PPP2R3A: variants seen among roughly 807,000 people sequenced by gnomAD.
PPP2R3A encodes the protein serine/threonine-protein phosphatase 2A regulatory subunit B'' subunit alpha.
In PPP2R3A, 80 loss-of-function variants were observed where a neutral mutation model predicts 106.9. That is an observed-to-expected ratio of 0.75 (90% CI 0.62 to 0.90). The LOEUF is 0.90. Ranked by LOEUF, PPP2R3A falls within the 40% of genes least tolerant of loss-of-function variation. The pLI, the probability that PPP2R3A is intolerant of heterozygous loss-of-function variation, is 0.00. For missense variants in PPP2R3A, 1,386 were observed against 1,350.4 expected (o/e 1.03, Z -0.41); for synonymous variants, 483 against 468.3 (o/e 1.03, Z -0.41).
chr3:136,100,960 C>T (rs1937345000), intron 10 of PPP2R3A, among the ~76,000 whole-genome samples: 1 of 152,150 alleles, frequency 6.6e-6, no homozygotes, highest in African/African-American at 2.4e-5. Flanking sequence ...AATGTACCTG[C>T]CATGCTCTTT....
intron 1 of PPP2R3A, among the ~76,000 whole-genome samples, chr3:135,998,108 T>A (rs2107783002): frequency 6.6e-6 from 1 of 152,328 alleles, no homozygotes; most frequent in South Asian, 2.1e-4. Context: ...CTCTTGCTTG[T>A]CTCTATACGC....
intron 4 of PPP2R3A, among the ~76,000 whole-genome samples, chr3:136,048,176 T>C (rs1171290688): frequency 6.6e-6 from 1 of 151,776 alleles, no homozygotes; most frequent in African/African-American, 2.4e-5. Flanking sequence ...AATAAGCACA[T>C]GGAAGGACAC....
intron 5 of PPP2R3A, among the ~76,000 whole-genome samples, chr3:136,059,665 G>A (rs1331808520): frequency 6.6e-6 from 1 of 152,180 alleles, no homozygotes; most frequent in East Asian, 1.9e-4. Flanking sequence ...CTCTTATGAA[G>A]AGACATGCCA....
At chr3:136,110,081 T>A (rs934908800) in intron 13 of PPP2R3A, among the ~76,000 whole-genome samples, 1 of 151,964 alleles carries the variant, frequency 6.6e-6, no homozygotes, top group African/African-American at 2.4e-5. Flanking sequence ...CAGCAACATA[T>A]CACATCCCAT....
chr3:136,115,428 A>G (rs1937706192), intron 13 of PPP2R3A, among the ~76,000 whole-genome samples: 1 of 152,004 alleles, frequency 6.6e-6, no homozygotes, highest in Admixed American at 6.6e-5. Flanking sequence ...AGGCTTCAGA[A>G]GGTGGGTAAT....
chr3:136,041,250 GTTTTTTTTTTTGTT>G (rs1559884287), intron 4 of PPP2R3A, among the ~76,000 whole-genome samples: 1 of 56,588 alleles, frequency 1.8e-5, no homozygotes. Context: ...TTTTTTTTTT[GTTTTTTTTTTTGTT>G]TTTTTTTTTT....
chr3:136,049,435 T>C (rs896204939), intron 5 of PPP2R3A, 74 bp downstream of exon 5: 4 of 1,086,330 alleles, frequency 3.7e-6, no homozygotes, highest in Non-Finnish European at 5.5e-6. Flanking sequence ...TTTACAACTA[T>C]AACATGTCAA....
intron 13 of PPP2R3A, among the ~76,000 whole-genome samples, chr3:136,110,204 A>C (rs1463084486): frequency 2.0e-5 from 3 of 152,196 alleles, no homozygotes; most frequent in East Asian, 1.9e-4. Context: ...TCAACTACTT[A>C]AAAGGTGGAC....
chr3:135,983,987 TATTA>T (rs1370694111), intron 1 of PPP2R3A, among the ~76,000 whole-genome samples: 2 of 152,224 alleles, frequency 1.3e-5, no homozygotes, highest in African/African-American at 4.8e-5. Context: ...TGTCACAGTT[TATTA>T]GTTTTCAAAC....
intron 2 of PPP2R3A, among the ~76,000 whole-genome samples, chr3:136,018,922 G>A (rs1934370397): frequency 6.6e-6 from 1 of 152,120 alleles, no homozygotes; most frequent in African/African-American, 2.4e-5. Flanking sequence ...TATATGGAAT[G>A]GTAAGGCAGG....
At chr3:135,971,167 A>T (rs1937236574) in intron 1 of PPP2R3A, among the ~76,000 whole-genome samples, 1 of 152,158 alleles carries the variant, frequency 6.6e-6, no homozygotes, top group East Asian at 1.9e-4. Context: ...TTAATTTTCC[A>T]GTTGCATGCA....
At chr3:136,004,565 A>G (rs1933778373) in intron 2 of PPP2R3A, among the ~76,000 whole-genome samples, 1 of 152,242 alleles carries the variant, frequency 6.6e-6, no homozygotes, top group Admixed American at 6.5e-5. Context: ...CACTGCCCCT[A>G]CCACATGAAT....
rs564525709 is a variant in PPP2R3A, at chr3:136,047,360, C to T, written c.2367-1899C>T. Among the ~76,000 whole-genome samples, 15 of 152,328 alleles carry T rather than the reference C, an allele frequency of 9.8e-5. No individual in the cohort carries two copies. In the South Asian group the frequency reaches 1.2e-3, roughly 13 times the overall value. Reference sequence around the variant, plus strand: ...ATGCACCCATATGTTCAATGAAGCACTGTTCACAATTGCAAAGACATGGAA... The same window carrying T: ...ATGCACCCATATGTTCAATGAAGCATTGTTCACAATTGCAAAGACATGGAA... On this transcript the variant is annotated intron_variant, in intron 4 of 13. Transcript: ENST00000264977.
intron 2 of PPP2R3A, among the ~76,000 whole-genome samples, chr3:136,021,901 G>A (rs957414949): frequency 6.6e-6 from 1 of 151,950 alleles, no homozygotes; most frequent in African/African-American, 2.4e-5. Context: ...ATCTAGAAAT[G>A]CTTTAAAGTA....
intron 5 of PPP2R3A, among the ~76,000 whole-genome samples, chr3:136,059,358 G>A (rs1340268478): frequency 6.6e-6 from 1 of 152,116 alleles, no homozygotes; most frequent in African/African-American, 2.4e-5. Context: ...CGTGCATGTG[G>A]CCAACGATCA....
At chr3:136,096,618 G>A (rs1937221481) in intron 10 of PPP2R3A, among the ~76,000 whole-genome samples, 1 of 152,222 alleles carries the variant, frequency 6.6e-6, no homozygotes, top group Admixed American at 6.5e-5. Context: ...AGGGCACTAG[G>A]CCAGTGCTTT....
At position 136,131,681 on chromosome 3, in the gene PPP2R3A, A is replaced by G. The variant is rs1576335125; in HGVS notation, c.3330-13362A>G. On this transcript the variant is annotated intron_variant, in intron 13 of 13. Coordinates refer to ENST00000264977, the MANE Select transcript of PPP2R3A (RefSeq NM_002718.5). ...TTACTGGGTATATACCCAAAGGATT[A>G]TACATCATGCTGCTTAGACACATAC... is the stretch of plus-strand genomic sequence containing the variant. Among the ~76,000 whole-genome samples the G allele has an allele frequency of 2.0e-5, 3 of 152,244 alleles. No homozygotes were observed. The South Asian group carries it at 6.2e-4, about 31-fold the overall frequency.
intron 5 of PPP2R3A, among the ~76,000 whole-genome samples, chr3:136,067,461 G>A (rs185195852): frequency 9.2e-5 from 14 of 152,344 alleles, no homozygotes; most frequent in Non-Finnish European, 8.8e-5. Context: ...TAGTCATAGT[G>A]CAAGAATGGG....
At chr3:136,023,293 A>G in intron 2 of PPP2R3A, 1 of 1,100,884 alleles carries the variant, frequency 9.1e-7, no homozygotes, top group Non-Finnish European at 1.3e-6. Flanking sequence ...ACTAACTCAC[A>G]AGTAATTTTA....
Sources: allele counts gnomAD v4.1 joint callset (sites outside exome capture counted in the v4.1 genomes callset), GRCh38; gene constraint gnomAD v4.1.1; transcripts MANE v1.5; gene names NCBI Gene and HGNC (gene_info 2026-07-23, HGNC 2026-07-21).